Variants in PHC2 observed in about 807,000 individuals in gnomAD.
PHC2 encodes polyhomeotic homolog 2.
A neutral mutation model predicts 87.4 loss-of-function variants in PHC2; 29 were observed. The ratio of observed to expected loss-of-function variants is 0.33; its 90% CI spans 0.25 to 0.45. The LOEUF is 0.45. Ranked by LOEUF, PHC2 falls within the 20% of genes least tolerant of loss-of-function variation. PHC2 has a pLI of 1.00. For missense variants in PHC2, 857 were observed against 1,136.7 expected (o/e 0.75, Z 3.54); for synonymous variants, 438 against 461.7 (o/e 0.95, Z 0.66).
rs752311590 is a variant in PHC2 at position 33,355,224 on chromosome 1, G to T, written c.1006C>A (p.Leu336Ile). 1 of 1,591,044 alleles carries T rather than the reference G, an allele frequency of 6.3e-7. No individual in the cohort carries two copies. The highest frequency in any genetic ancestry group is 1.1e-5 in the South Asian group (1 of 87,532). The change falls in exon 8 of 15, where the codon CTC (leucine) becomes ATC (isoleucine). Residue 336 changes from leucine to isoleucine, a missense_variant. Around this residue, in one of 3 missense-constraint regions of PHC2, gnomAD observed 832 missense variants for 1,081.8 expected, o/e 0.77. Coordinates refer to ENST00000683057, the MANE Select transcript of PHC2 (RefSeq NM_001385109.1). ...AGGTGCTTTGAGGATGGCTGTGGGA[G>T]GAGCTGGTGTGGCTGCAGCTGAGCA... ...AYAQLQPHQLLPQPSSKHLQP... is the reference protein window; with the variant it reads ...AYAQLQPHQLIPQPSSKHLQP...
chr1:33,351,889 T>C (rs548290089), intron 9 of PHC2, among the ~76,000 whole-genome samples: 69 of 148,694 alleles, frequency 4.6e-4, no homozygotes, highest in Non-Finnish European at 8.9e-4. Flanking sequence ...GAGGTGTAGA[T>C]TGCAGTGAGC....
intron 1 of PHC2, among the ~76,000 whole-genome samples, chr1:33,378,753 T>C (rs1442756337): frequency 6.6e-6 from 1 of 152,190 alleles, no homozygotes; most frequent in East Asian, 1.9e-4. Flanking sequence ...ATCAAAAGCA[T>C]GAGCTAGAAC....
intron 1 of PHC2, among the ~76,000 whole-genome samples, chr1:33,405,264 C>T (rs1319306108): frequency 2.0e-5 from 3 of 151,424 alleles, no homozygotes; most frequent in East Asian, 1.9e-4. Context: ...AATCTTGGCT[C>T]GCTGCAACCT....
intron 9 of PHC2, chr1:33,345,789 A>T: frequency 2.0e-6 from 2 of 985,300 alleles, no homozygotes; most frequent in Non-Finnish European, 2.4e-6. Flanking sequence ...CAATTCCCAA[A>T]ATATCCACAT....
intron 1 of PHC2, among the ~76,000 whole-genome samples, chr1:33,406,387 G>A (rs1052931798): frequency 3.3e-5 from 5 of 151,946 alleles, no homozygotes; most frequent in African/African-American, 1.2e-4. Flanking sequence ...TTCTCCAATC[G>A]TGATATTGGG....
In PHC2 at chr1:33,393,463, G is replaced by GTTTT. The variant is rs36030279; in HGVS notation, c.-54-17874_-54-17871dup. Among the ~76,000 whole-genome samples the GTTTT allele has an allele frequency of 3.4e-4, 44 of 131,016 alleles. 1 individual carries two copies. Among genetic ancestry groups the GTTTT allele is most frequent in the Non-Finnish European group, 3.1e-4 (20 of 63,612 alleles). The allele number at this position is 131,016 out of a possible 152,430, so 86.0% of individuals were successfully genotyped here. On this transcript the variant is annotated intron_variant, in intron 1 of 14. Coordinates refer to ENST00000683057, the MANE Select transcript of PHC2 (RefSeq NM_001385109.1). ...ATCACTTATAAGACCTTTTCAAGAG[G>GTTTT]TTTTTTTTTTTTTTTTTTTCTTCCA... is the stretch of plus-strand genomic sequence containing the variant.
intron 1 of PHC2, among the ~76,000 whole-genome samples, chr1:33,389,804 C>T (rs1648959151): frequency 6.6e-6 from 1 of 152,140 alleles, no homozygotes; most frequent in Non-Finnish European, 1.5e-5. Context: ...GTTTGCCTTT[C>T]CTCTGTTAGC....
At position 33,334,148 on chromosome 1, in the gene PHC2, T is replaced by TG. The variant is rs1279092852; in HGVS notation, c.1702dup (p.Gln568ProfsTer42). On this transcript the variant is annotated frameshift_variant, in exon 10 of 15. Transcript: ENST00000683057. LOFTEE classifies it high-confidence loss of function. The surrounding 1 kb of genome is among the most constrained non-coding windows in gnomAD (Gnocchi z 5.5). Reference sequence around the variant, plus strand: ...CCCTTCGATAACATGCGTCAGGATTTGGGGTTTCACAATGGCCTGTGGTGG... The same window carrying TG: ...CCCTTCGATAACATGCGTCAGGATTTGGGGGTTTCACAATGGCCTGTGGTGG... 3 of 1,613,846 alleles carry TG rather than the reference T, an allele frequency of 1.9e-6. No homozygotes were observed. The highest frequency in any genetic ancestry group is 1.3e-5 in the African/African-American group (1 of 74,868).
intron 9 of PHC2, among the ~76,000 whole-genome samples, chr1:33,348,464 A>T (rs1646887027): frequency 6.6e-6 from 1 of 152,244 alleles, no homozygotes. Flanking sequence ...TCCAGAGCCA[A>T]ATGGCTGGAA....
chr1:33,326,294 G>A (rs1646369159), intron 14 of PHC2: 1 of 168,148 alleles, frequency 5.9e-6, no homozygotes, highest in Admixed American at 6.1e-5. Context: ...TGGTTTCTAG[G>A]CAAAGATCAA....
chr1:33,370,983 G>A (rs1346616948), intron 4 of PHC2, 34 bp downstream of exon 4: 1 of 1,580,790 alleles, frequency 6.3e-7, no homozygotes, highest in South Asian at 1.1e-5. Flanking sequence ...TCCTGGGGCT[G>A]TGGACTCTGC....
At chr1:33,327,063 CAGAG>C in intron 14 of PHC2, among the ~76,000 whole-genome samples, 1 of 152,348 alleles carries the variant, frequency 6.6e-6, no homozygotes, top group East Asian at 1.9e-4. Flanking sequence ...AAGGAGAACT[CAGAG>C]GGCAGAACCA....
At chr1:33,351,993 T>G (rs979916164) in intron 9 of PHC2, among the ~76,000 whole-genome samples, 1 of 151,292 alleles carries the variant, frequency 6.6e-6, no homozygotes, top group African/African-American at 2.5e-5. Flanking sequence ...GAATGGATAT[T>G]TAAGTCTTGG....
At chr1:33,380,073 C>T (rs1481409247) in intron 1 of PHC2, among the ~76,000 whole-genome samples, 3 of 152,238 alleles carry the variant, frequency 2.0e-5, no homozygotes, top group Non-Finnish European at 2.9e-5. Flanking sequence ...AGCTTGCACC[C>T]TCTGTTCTAG....
intron 7 of PHC2, among the ~76,000 whole-genome samples, chr1:33,356,499 C>A (rs984602227): frequency 1.0e-4 from 15 of 149,596 alleles, no homozygotes; most frequent in Non-Finnish European, 1.6e-4. Flanking sequence ...TGACTCTTAA[C>A]GAGCATGCTG....
chr1:33,335,171 C>T (rs1223909334), intron 9 of PHC2: 1 of 985,092 alleles, frequency 1.0e-6, no homozygotes, highest in East Asian at 1.1e-4. Context: ...CATGCCTATA[C>T]ACAACCACAC....
chr1:33,399,492 A>C (rs1172955765), intron 1 of PHC2, among the ~76,000 whole-genome samples: 1 of 152,210 alleles, frequency 6.6e-6, no homozygotes, highest in East Asian at 1.9e-4. Context: ...TGAACAGGTC[A>C]ATCTTCTTAT....
chr1:33,423,478 T>A (rs1324358670), intron 1 of PHC2, among the ~76,000 whole-genome samples: 1 of 152,156 alleles, frequency 6.6e-6, no homozygotes, highest in African/African-American at 2.4e-5. Context: ...TGGTACTATA[T>A]CTAAAATTAA....
chr1:33,331,835 C>T lies in PHC2; in HGVS notation c.1892-373G>A. The T allele has an allele frequency of 3.5e-6, 1 of 288,948 alleles. No individual in the cohort carries two copies. The highest frequency in any genetic ancestry group is 4.8e-5 in the Admixed American group (1 of 20,964). The allele number at this position is 288,948 out of a possible 1,614,324, so 17.9% of individuals were successfully genotyped here. A position where few individuals can be genotyped will look rare whatever the true frequency, so the allele number is the denominator to read the frequency against. ...ACACCTTGATCTATGCAGCTGGCTG[C>T]TGACCCAGTAAAAGACCTCAGGAGC... On this transcript the variant is annotated intron_variant, in intron 11 of 14. Coordinates refer to ENST00000683057, the MANE Select transcript of PHC2 (RefSeq NM_001385109.1). This position sits in a 1 kb window ranked among gnomAD's most constrained non-coding sequence, Gnocchi z 5.2.
Sources: gnomAD v4.1 joint callset for allele counts (sites outside exome capture counted in the v4.1 genomes callset) on GRCh38, gnomAD v4.1.1 for gene constraint, gnomAD v4.1.1 regional missense constraint, Gnocchi (gnomAD v3.1) non-coding constraint, MANE v1.5 for transcripts, NCBI Gene and HGNC (gene_info 2026-07-23, HGNC 2026-07-21) for gene names.